The following SLC6A3 variants were observed in gnomAD, a reference collection of about 807,000 sequenced individuals.
SLC6A3 encodes sodium-dependent dopamine transporter.
In SLC6A3, 19 loss-of-function variants were observed where a neutral mutation model predicts 70.4. The observed-to-expected ratio is 0.27, with a 90% CI of 0.19 to 0.40. The LOEUF (loss-of-function observed/expected upper bound fraction) is 0.40. Ranked by LOEUF, SLC6A3 falls within the 10% of genes least tolerant of loss-of-function variation. The probability of loss-of-function intolerance (pLI) is 1.00; values close to 1 mark genes in which losing one functional copy is unlikely to be tolerated. For synonymous variants in SLC6A3, 368 were observed against 356.6 expected, an observed-to-expected ratio of 1.03 and a Z score of -0.36; for missense variants, 613 against 838.5, an observed-to-expected ratio of 0.73 and a Z score of 3.32.
chr5:1,410,114 G>A (rs973312091), intron 9 of SLC6A3, among the ~76,000 whole-genome samples: 9 of 152,218 alleles, frequency 5.9e-5, no homozygotes, highest in African/African-American at 1.2e-4. Flanking sequence ...GTCTCTGGGT[G>A]GGTAAGATGC....
In SLC6A3 at chr5:1,430,380, C is replaced by T. The variant is rs188819946; in HGVS notation, c.653+2084G>A. Reference sequence around the variant, plus strand: ...CGGGTGGCCCCCCAAAACCTGCCTCCGCCCCGGCTCCTCACCTCCAAGGCC... The same window carrying T: ...CGGGTGGCCCCCCAAAACCTGCCTCTGCCCCGGCTCCTCACCTCCAAGGCC... On this transcript the variant is annotated intron_variant, in intron 4 of 14. Transcript: ENST00000270349. Among the ~76,000 whole-genome samples, 184 of 152,346 alleles carry T rather than the reference C, an allele frequency of 1.2e-3. 4 individuals are homozygous for T. The highest frequency in any genetic ancestry group is 4.3e-3 in the African/African-American group (178 of 41,582).
intron 6 of SLC6A3, chr5:1,416,551 TAACCCTCG>T: frequency 9.4e-6 from 4 of 426,656 alleles, no homozygotes; most frequent in South Asian, 2.1e-5. Flanking sequence ...AGCATCCTAA[TAACCCTCG>T]GAACAGCACG....
In SLC6A3 at chr5:1,401,206, A is replaced by G. The variant is rs912551627; in HGVS notation, c.1768-220T>C. The G allele has an allele frequency of 2.9e-6, 2 of 698,314 alleles. No homozygotes were observed. Among genetic ancestry groups the G allele is most frequent in the African/African-American group, 3.5e-5 (2 of 57,194 alleles). 43.3% of individuals were successfully genotyped at this position (698,314 alleles called of 1,614,324 possible). On this transcript the variant is annotated intron_variant, in intron 13 of 14. Coordinates refer to ENST00000270349, the MANE Select transcript of SLC6A3 (RefSeq NM_001044.5). The surrounding 1 kb of genome is among the most constrained non-coding windows in gnomAD (Gnocchi z 6.1). ...CAGACAGCCAGTCAGGCCCGAAGCC[A>G]ACATCCTGACGGTCCCCTTAAAGTC...
At chr5:1,423,504 C>T (rs1579717495) in intron 4 of SLC6A3, among the ~76,000 whole-genome samples, 1 of 152,248 alleles carries the variant, frequency 6.6e-6, no homozygotes, top group Admixed American at 6.5e-5. Context: ...TGCTCACAGC[C>T]CCTGCTGCTA....
intron 12 of SLC6A3, 114 bp from the exon 13 acceptor site, chr5:1,403,203 G>T: frequency 8.0e-7 from 1 of 1,254,122 alleles, no homozygotes; most frequent in Non-Finnish European, 1.1e-6. Flanking sequence ...CAGCTGTGCA[G>T]GTGCAGACCC....
intron 12 of SLC6A3, among the ~76,000 whole-genome samples, chr5:1,403,390 C>CTCCCA (rs1244509073): frequency 3.4e-5 from 4 of 118,940 alleles, no homozygotes; most frequent in African/African-American, 1.3e-4. Flanking sequence ...CTCCCCTCCC[C>CTCCCA]TCCCATCCTG....
At chr5:1,410,680 C>T (rs1156786081) in intron 9 of SLC6A3, among the ~76,000 whole-genome samples, 1 of 152,184 alleles carries the variant, frequency 6.6e-6, no homozygotes, top group African/African-American at 2.4e-5. Context: ...GTAGCTGAGG[C>T]TTCCAGGGAA....
In SLC6A3 at chr5:1,438,029, C is replaced by T. The variant is rs545839869; in HGVS notation, c.418+3330G>A. ...CAGTCTCCTCTAAACTGGCATCCTG[C>T]GCTTGACAGGTAGGCAGAACAAACG... On this transcript the variant is annotated intron_variant, in intron 3 of 14. Coordinates refer to ENST00000270349, the MANE Select transcript of SLC6A3 (RefSeq NM_001044.5). This position sits in a 1 kb window ranked among gnomAD's most constrained non-coding sequence, Gnocchi z 6.5. Among the ~76,000 whole-genome samples, 14 of 152,300 alleles carry T rather than the reference C, an allele frequency of 9.2e-5. No individual in the cohort carries two copies. The highest frequency in any genetic ancestry group is 1.4e-4 in the African/African-American group (6 of 41,564).
rs1733778714 is a variant in SLC6A3 at position 1,445,417 on chromosome 5, C to G, written c.-115G>C. 1 of 166,270 alleles carries G rather than the reference C, an allele frequency of 6.0e-6. No homozygotes were observed. The highest frequency in any genetic ancestry group is 1.3e-5 in the Non-Finnish European group (1 of 77,018). The allele number at this position is 166,270 out of a possible 1,614,324, so 10.3% of individuals were successfully genotyped here. A position where few individuals can be genotyped will look rare whatever the true frequency, so the allele number is the denominator to read the frequency against. Reference sequence around the variant, plus strand: ...GAGCGTTCCGCGAAGCCTCCCCTCCCGCTCCGCAGCGCTGGGCGGTCTCAG... The same window carrying G: ...GAGCGTTCCGCGAAGCCTCCCCTCCGGCTCCGCAGCGCTGGGCGGTCTCAG... On this transcript the variant is annotated 5_prime_UTR_variant, in exon 1 of 15. Transcript: ENST00000270349.
In SLC6A3 at chr5:1,394,878, G is replaced by T; in HGVS notation, c.1840-120C>A. On this transcript the variant is annotated intron_variant, in intron 14 of 14. Coordinates refer to ENST00000270349, the MANE Select transcript of SLC6A3 (RefSeq NM_001044.5). This position sits in a 1 kb window ranked among gnomAD's most constrained non-coding sequence, Gnocchi z 4.7. ...ACAGTTTGCAGCCTCCTGGCCATGTGCCCTGGGAGAAGGGGAGGCTCACTG... is the reference window on the plus strand; with the variant it reads ...ACAGTTTGCAGCCTCCTGGCCATGTTCCCTGGGAGAAGGGGAGGCTCACTG... 1 of 1,098,344 alleles carries T rather than the reference G, an allele frequency of 9.1e-7. No homozygotes were observed. The allele number at this position is 1,098,344 out of a possible 1,614,324, so 68.0% of individuals were successfully genotyped here.
At position 1,409,754 on chromosome 5, in the gene SLC6A3, CG is replaced by C; in HGVS notation, c.1364del (p.Ala455GlyfsTer57). ...RELFTLFIVL[A>X]TFLLSLFCVT... The stretch of plus-strand genomic sequence containing the variant: ...CGCAGAACAGGGACAGGAGGAAGGT[CG>C]CCAGGACGATGAAGAGCGTGAAGAG... On this transcript the variant is annotated frameshift_variant, in exon 10 of 15. Transcript: ENST00000270349. LOFTEE classifies it high-confidence loss of function. 1 of 1,613,404 alleles carries C rather than the reference CG, an allele frequency of 6.2e-7. No individual in the cohort carries two copies. Among genetic ancestry groups the C allele is most frequent in the Non-Finnish European group, 8.5e-7 (1 of 1,180,016 alleles).
rs1312423936 is a variant in SLC6A3, at chr5:1,393,054, C to T, written c.*1681G>A. Reference sequence around the variant, plus strand: ...CAGAAGGCGATGGGGAAGCCGTCCTCTGTGTCCCTCCCCAGAAGGCAATGG... The same window carrying T: ...CAGAAGGCGATGGGGAAGCCGTCCTTTGTGTCCCTCCCCAGAAGGCAATGG... On this transcript the variant is annotated 3_prime_UTR_variant, in exon 15 of 15. Transcript: ENST00000270349. 1 of 152,184 alleles carries T rather than the reference C, an allele frequency of 6.6e-6. No individual in the cohort carries two copies. Among genetic ancestry groups the T allele is most frequent in the Non-Finnish European group, 1.5e-5 (1 of 68,086 alleles). 9.4% of individuals were successfully genotyped at this position (152,184 alleles called of 1,614,324 possible).
chr5:1,401,188 C>T lies in SLC6A3; in HGVS notation c.1768-202G>A, dbSNP rs1387668588. ...GCCAGTGCCCATGCCGACCAGACAG[C>T]CAGTCAGGCCCGAAGCCAACATCCT... On this transcript the variant is annotated intron_variant, in intron 13 of 14. Transcript: ENST00000270349. This position sits in a 1 kb window ranked among gnomAD's most constrained non-coding sequence, Gnocchi z 6.1. 2 of 699,718 alleles carry T rather than the reference C, an allele frequency of 2.9e-6. No homozygotes were observed. Among genetic ancestry groups the T allele is most frequent in the Non-Finnish European group, 5.2e-6 (2 of 383,332 alleles). The allele number at this position is 699,718 out of a possible 1,614,324, so 43.3% of individuals were successfully genotyped here.
rs769293604 is a variant in SLC6A3 at position 1,420,599 on chromosome 5, G to A, written c.897C>T (p.Ser299=). 4 of 1,613,430 alleles carry A rather than the reference G, an allele frequency of 2.5e-6. No homozygotes were observed. The highest frequency in any genetic ancestry group is 1.3e-5 in the African/African-American group (1 of 74,940). Residue 299 remains serine, a synonymous_variant, in exon 6 of 15, where the codon AGC becomes AGT. Transcript: ENST00000270349. Reference sequence around the variant, plus strand: ...CCTCGCAGAGCCGGTAGAAGTCAACGCTCAGGTATGCTCTGATGCCGTCTA... The same window carrying A: ...CCTCGCAGAGCCGGTAGAAGTCAACACTCAGGTATGCTCTGATGCCGTCTA... ...GAIDGIRAYL[S]VDFYRLCEAS...
chr5:1,416,573 T>C, intron 6 of SLC6A3: 3 of 244,792 alleles, frequency 1.2e-5, no homozygotes, highest in South Asian at 5.5e-5. Context: ...CAGCACGGCC[T>C]CATCTACACA....
At chr5:1,444,312 T>C (rs2963238) in intron 1 of SLC6A3, among the ~76,000 whole-genome samples, 1 of 151,856 alleles carries the variant, frequency 6.6e-6, no homozygotes, top group South Asian at 2.1e-4. Context: ...GCGACTTCTG[T>C]CATTTGGATC....
intron 4 of SLC6A3, among the ~76,000 whole-genome samples, chr5:1,428,334 C>A (rs2126385286): frequency 6.6e-6 from 1 of 152,328 alleles, no homozygotes; most frequent in Admixed American, 6.5e-5. Context: ...TTGTGGGATG[C>A]AGCTAATGCA....
In SLC6A3 at chr5:1,413,907, G is replaced by T. The variant is rs1756186866; in HGVS notation, c.1156+784C>A. 6.6e-6 allele frequency among the ~76,000 whole-genome samples: 1 copy of T among 152,172 alleles called. No individual in the cohort carries two copies. Among genetic ancestry groups the T allele is most frequent in the Admixed American group, 6.5e-5 (1 of 15,284 alleles). On this transcript the variant is annotated intron_variant, in intron 8 of 14. Coordinates refer to ENST00000270349, the MANE Select transcript of SLC6A3 (RefSeq NM_001044.5). This position sits in a 1 kb window ranked among gnomAD's most constrained non-coding sequence, Gnocchi z 7.1. Reference sequence around the variant, plus strand: ...CCCTGCATCTGTGCCCGTCCTGCCGGCTCCATCCTGCCTGGCACACTTCTT... The same window carrying T: ...CCCTGCATCTGTGCCCGTCCTGCCGTCTCCATCCTGCCTGGCACACTTCTT...
In SLC6A3 at chr5:1,414,680, G is replaced by A. The variant is rs754107346; in HGVS notation, c.1156+11C>T. 6.2e-7 allele frequency: 1 copy of A among 1,612,094 alleles called. No individual in the cohort carries two copies. Among genetic ancestry groups the A allele is most frequent in the African/African-American group, 1.3e-5 (1 of 74,970 alleles). ...CACGGAGCAGGCCCAGGTGCAGCAGGAGGGGCTCACCGTCCTTGGCCACGT... is the reference window on the plus strand; with the variant it reads ...CACGGAGCAGGCCCAGGTGCAGCAGAAGGGGCTCACCGTCCTTGGCCACGT... On this transcript the variant is annotated intron_variant, in intron 8 of 14. Coordinates refer to ENST00000270349, the MANE Select transcript of SLC6A3 (RefSeq NM_001044.5).
Sources: gnomAD v4.1 joint callset for allele counts (sites outside exome capture counted in the v4.1 genomes callset) on GRCh38, gnomAD v4.1.1 for gene constraint, Gnocchi (gnomAD v3.1) non-coding constraint, MANE v1.5 for transcripts, NCBI Gene and HGNC (gene_info 2026-07-23, HGNC 2026-07-21) for gene names.